Variants in TMEM178B observed in about 807,000 individuals in gnomAD.
TMEM178B encodes transmembrane protein 178B.
A neutral mutation model predicts 31.0 loss-of-function variants in TMEM178B; 5 were observed. The ratio of observed to expected loss-of-function variants is 0.16; its 90% confidence interval spans 0.08 to 0.34. The LOEUF (loss-of-function observed/expected upper bound fraction) is 0.34. Among genes scored for constraint, TMEM178B ranks in the 10% least tolerant of loss-of-function variants. TMEM178B has a pLI of 1.00. For missense variants in TMEM178B, 275 were observed against 400.3 expected (o/e 0.69, Z 2.67); for synonymous variants, 164 against 164.0 (o/e 1.00, Z 0.00).
intron 2 of TMEM178B, among the ~76,000 whole-genome samples, chr7:141,355,153 C>T (rs1799796727): frequency 6.6e-6 from 1 of 152,078 alleles, no homozygotes; most frequent in African/African-American, 2.4e-5. Flanking sequence ...AGAGAGAGAT[C>T]CAGGGTGAAT....
intron 3 of TMEM178B, among the ~76,000 whole-genome samples, chr7:141,439,748 G>A (rs1275742622): frequency 6.6e-6 from 1 of 152,158 alleles, no homozygotes; most frequent in Admixed American, 6.5e-5. Context: ...GGGCAGATAA[G>A]GAATCCAGTG....
intron 1 of TMEM178B, among the ~76,000 whole-genome samples, chr7:141,114,521 C>T (rs945376068): frequency 7.2e-5 from 11 of 152,260 alleles, no homozygotes; most frequent in Admixed American, 2.0e-4. Context: ...AAGGAGTCAA[C>T]AGCTGTCAGG....
intron 2 of TMEM178B, among the ~76,000 whole-genome samples, chr7:141,247,471 A>G (rs2129194814): frequency 6.6e-6 from 1 of 152,262 alleles, no homozygotes; most frequent in South Asian, 2.1e-4. Flanking sequence ...TGGGCTTAAG[A>G]TCACAGGTTC....
chr7:141,279,424 A>T (rs1006272642), intron 2 of TMEM178B, among the ~76,000 whole-genome samples: 2 of 152,196 alleles, frequency 1.3e-5, no homozygotes, highest in African/African-American at 2.4e-5. Flanking sequence ...CACTCCTTTT[A>T]TGAGAGGATT....
At chr7:141,380,995 C>A (rs1800305244) in intron 2 of TMEM178B, among the ~76,000 whole-genome samples, 1 of 152,140 alleles carries the variant, frequency 6.6e-6, no homozygotes, top group South Asian at 2.1e-4. Flanking sequence ...TCACTGTCTC[C>A]CCGTACCCAC....
At chr7:141,291,092 A>G (rs1398884435) in intron 2 of TMEM178B, among the ~76,000 whole-genome samples, 1 of 152,176 alleles carries the variant, frequency 6.6e-6, no homozygotes, top group African/African-American at 2.4e-5. Flanking sequence ...TTCTACATGT[A>G]ATAGAGTGAG....
At chr7:141,313,406 C>G (rs1220000793) in intron 2 of TMEM178B, among the ~76,000 whole-genome samples, 1 of 152,262 alleles carries the variant, frequency 6.6e-6, no homozygotes, top group East Asian at 1.9e-4. Context: ...TCTTGCTCTC[C>G]CCATGTTCAT....
intron 2 of TMEM178B, among the ~76,000 whole-genome samples, chr7:141,397,053 T>G (rs1219135224): frequency 2.0e-5 from 3 of 152,202 alleles, no homozygotes; most frequent in African/African-American, 4.8e-5. Flanking sequence ...GTGTCACTAT[T>G]ACTGCCATCA....
At chr7:141,497,251 G>A in the TMEM178B span, among the ~76,000 whole-genome samples, 1 of 152,190 alleles carries the variant, frequency 6.6e-6, no homozygotes, top group East Asian at 1.9e-4. Flanking sequence ...GAGGCAGAAC[G>A]TGCTTCTAAA....
chr7:141,435,160 G>T (rs574343856), intron 2 of TMEM178B, among the ~76,000 whole-genome samples: 30 of 152,082 alleles, frequency 2.0e-4, no homozygotes, highest in African/African-American at 6.5e-4. Flanking sequence ...ATGGTGCTCC[G>T]GTAAATGGAA....
At chr7:141,362,637 G>A (rs947201276) in intron 2 of TMEM178B, among the ~76,000 whole-genome samples, 4 of 152,190 alleles carry the variant, frequency 2.6e-5, no homozygotes, top group Non-Finnish European at 5.9e-5. Flanking sequence ...TCATCACTCT[G>A]TGGGGGCATT....
At chr7:141,338,295 C>T (rs77821547) in intron 2 of TMEM178B, among the ~76,000 whole-genome samples, 284 of 152,228 alleles carry the variant, frequency 1.9e-3, no homozygotes, top group Non-Finnish European at 2.8e-3. Flanking sequence ...TTATAATCAG[C>T]GGAGAAATGC....
At chr7:141,218,525 C>T (rs753377580) in intron 2 of TMEM178B, among the ~76,000 whole-genome samples, 2 of 152,206 alleles carry the variant, frequency 1.3e-5, no homozygotes, top group South Asian at 4.1e-4. Flanking sequence ...TGGGTTGGCT[C>T]AGTCTTAAGG....
chr7:141,489,113 A>C, the TMEM178B span, among the ~76,000 whole-genome samples: 2 of 152,226 alleles, frequency 1.3e-5, no homozygotes, highest in Admixed American at 1.3e-4. Context: ...AATACACAGC[A>C]TAAGTGTTTT....
rs138202533 is a variant in TMEM178B, at chr7:141,214,585, A to G, written c.496+1881A>G. 1.1e-4 allele frequency among the ~76,000 whole-genome samples: 16 copies of G among 152,338 alleles called. No homozygotes were observed. In the East Asian group the frequency reaches 3.1e-3, roughly 29 times the overall value. On this transcript the variant is annotated intron_variant, in intron 2 of 3. Transcript: ENST00000565468. ...ATACTCTTCAGGGAAACCTGGTAGAACTCTTTTGACTGCACACACTGTAGA... is the reference window on the plus strand; with the variant it reads ...ATACTCTTCAGGGAAACCTGGTAGAGCTCTTTTGACTGCACACACTGTAGA...
chr7:141,428,018 A>G (rs1454848064), intron 2 of TMEM178B, among the ~76,000 whole-genome samples: 1 of 152,190 alleles, frequency 6.6e-6, no homozygotes, highest in Non-Finnish European at 1.5e-5. Context: ...TTAGGTAGAC[A>G]TGACCAGAAC....
intron 1 of TMEM178B, among the ~76,000 whole-genome samples, chr7:141,166,220 G>C (rs1223532864): frequency 2.6e-5 from 4 of 152,236 alleles, no homozygotes; most frequent in African/African-American, 9.6e-5. Flanking sequence ...AGGATCCACA[G>C]TGCTCTCTAA....
At chr7:141,510,529 T>C in the TMEM178B span, among the ~76,000 whole-genome samples, 2 of 150,058 alleles carry the variant, frequency 1.3e-5, no homozygotes, top group Admixed American at 6.6e-5. Context: ...CTATTAAAAA[T>C]ACAAAATTAG....
chr7:141,248,265 G>A (rs537436541), intron 2 of TMEM178B, among the ~76,000 whole-genome samples: 1 of 152,244 alleles, frequency 6.6e-6, no homozygotes, highest in South Asian at 2.1e-4. Context: ...ACAAAAGTTA[G>A]TCAGGTGTGG....
Sources: allele counts gnomAD v4.1 joint callset (sites outside exome capture counted in the v4.1 genomes callset), GRCh38; gene constraint gnomAD v4.1.1; transcripts MANE v1.5; gene names NCBI Gene and HGNC (gene_info 2026-07-23, HGNC 2026-07-21).